Variants in FMN2 observed in about 807,000 individuals in gnomAD.
FMN2 encodes the protein formin-2.
Under a neutral mutation model 142.3 loss-of-function variants are expected in FMN2, and 51 were observed. The ratio of observed to expected loss-of-function variants is 0.36; its 90% confidence interval spans 0.29 to 0.45. The LOEUF is 0.45. Ranked by LOEUF, FMN2 falls within the 20% of genes least tolerant of loss-of-function variation. The pLI is 1.00. For missense variants in FMN2, 1,936 were observed against 2,122.8 expected (o/e 0.91, Z 1.73); for synonymous variants, 882 against 869.8 (o/e 1.01, Z -0.25).
chr1:240,297,618 A>G (rs1034256969), intron 8 of FMN2, among the ~76,000 whole-genome samples: 14 of 145,202 alleles, frequency 9.6e-5, no homozygotes, highest in African/African-American at 3.3e-4. Flanking sequence ...AAAAAAAAAG[A>G]ATATTTTATT....
intron 15 of FMN2, among the ~76,000 whole-genome samples, chr1:240,397,145 A>G (rs960324403): frequency 6.6e-6 from 1 of 152,168 alleles, no homozygotes; most frequent in African/African-American, 2.4e-5. Context: ...AATAATTGCC[A>G]TTCTGACTGG....
At chr1:240,313,320 G>A (rs1670656887) in intron 8 of FMN2, among the ~76,000 whole-genome samples, 1 of 152,192 alleles carries the variant, frequency 6.6e-6, no homozygotes, top group African/African-American at 2.4e-5. Context: ...GAAAAGAAAT[G>A]TATGGATAAT....
In FMN2 at chr1:240,410,770, C is replaced by T. The variant is rs187967152; in HGVS notation, c.4910+18208C>T. On this transcript the variant is annotated intron_variant, in intron 15 of 17. Coordinates refer to ENST00000319653, the MANE Select transcript of FMN2 (RefSeq NM_020066.5). The stretch of plus-strand genomic sequence containing the variant: ...GTCGTGTTTTTACACATGTATATTG[C>T]TTCTTCAGTTCATTTCCCTTTTTAT... 3.9e-4 allele frequency among the ~76,000 whole-genome samples: 60 copies of T among 152,178 alleles called. 2 individuals carry two copies. Among genetic ancestry groups the T allele is most frequent in the Admixed American group, 3.5e-3 (54 of 15,272 alleles).
chr1:240,393,528 G>A (rs1673677608), intron 15 of FMN2, among the ~76,000 whole-genome samples: 1 of 151,942 alleles, frequency 6.6e-6, no homozygotes, highest in Admixed American at 6.6e-5. Context: ...ATTGAAATTA[G>A]GCCAATTAAT....
At chr1:240,361,525 G>T (rs1672482036) in intron 14 of FMN2, among the ~76,000 whole-genome samples, 1 of 152,224 alleles carries the variant, frequency 6.6e-6, no homozygotes, top group Non-Finnish European at 1.5e-5. Flanking sequence ...AGACAGAATA[G>T]CTGTGAGGGA....
chr1:240,365,657 T>A (rs1572235128), intron 14 of FMN2, among the ~76,000 whole-genome samples: 1 of 152,152 alleles, frequency 6.6e-6, no homozygotes, highest in Admixed American at 6.6e-5. Flanking sequence ...ATGGAACTAT[T>A]CTTCTATGGG....
chr1:240,408,579 T>A (rs1232175575), intron 15 of FMN2, among the ~76,000 whole-genome samples: 1 of 152,334 alleles, frequency 6.6e-6, no homozygotes, highest in South Asian at 2.1e-4. Flanking sequence ...TTAAAGTTGA[T>A]TTTTATTTCA....
rs372272968 is a variant in FMN2, at chr1:240,188,005, CATG to C, written c.1931-200_1931-198del. Among the ~76,000 whole-genome samples, 25 of 152,244 alleles carry C rather than the reference CATG, an allele frequency of 1.6e-4. No individual in the cohort carries two copies. In the East Asian group the frequency reaches 4.6e-3, roughly 28 times the overall value. On this transcript the variant is annotated intron_variant, in intron 3 of 17. Coordinates refer to ENST00000319653, the MANE Select transcript of FMN2 (RefSeq NM_020066.5). The stretch of plus-strand genomic sequence containing the variant: ...GGAATATCCCAATTTTTAAAAATGA[CATG>C]AGCATTCTCATTGTATGTATTATAT...
intron 4 of FMN2, among the ~76,000 whole-genome samples, chr1:240,188,480 T>C (rs1665572721): frequency 6.6e-6 from 1 of 152,204 alleles, no homozygotes; most frequent in Non-Finnish European, 1.5e-5. Context: ...GTACAAGCTT[T>C]TCAGAAGCTG....
chr1:240,285,788 A>G (rs1669569530), intron 7 of FMN2, among the ~76,000 whole-genome samples: 1 of 152,206 alleles, frequency 6.6e-6, no homozygotes, highest in African/African-American at 2.4e-5. Context: ...TAATCAGAGC[A>G]AAGACTTGAT....
At chr1:240,403,209 T>C (rs1476491588) in intron 15 of FMN2, among the ~76,000 whole-genome samples, 1 of 152,256 alleles carries the variant, frequency 6.6e-6, no homozygotes, top group African/African-American at 2.4e-5. Flanking sequence ...GTAATGTGTA[T>C]GAACTACTCC....
At position 240,123,365 on chromosome 1, in the gene FMN2, T is replaced by A; in HGVS notation, c.1782+20T>A. 2 of 1,606,064 alleles carry A rather than the reference T, an allele frequency of 1.2e-6. No homozygotes were observed. Among genetic ancestry groups the A allele is most frequent in the Non-Finnish European group, 1.7e-6 (2 of 1,175,010 alleles). ...TTTGATGTAAGTAGGAGAATTCACT[T>A]CTGTCCGTGAGGCAGATTTGCTGTG... On this transcript the variant is annotated intron_variant, in intron 2 of 17. Coordinates refer to ENST00000319653, the MANE Select transcript of FMN2 (RefSeq NM_020066.5).
Position 240,241,825 on chromosome 1 carries a change from C to CTTTTTTTTTTTTTTTTTTTTTTTT in FMN2, c.4066-16114_4066-16091dup, listed in dbSNP as rs71567282. ...ATTTTCTTTATTTTAGTGTGCCTTGCTTTTTTTTTTTTTTTTTTTTTTTTT... is the reference window on the plus strand; with the variant it reads ...ATTTTCTTTATTTTAGTGTGCCTTGCTTTTTTTTTTTTTTTTTTTTTTTTTTTTTTTTTTTTTTTTTTTTTTTTT... On this transcript the variant is annotated intron_variant, in intron 6 of 17. Coordinates refer to ENST00000319653, the MANE Select transcript of FMN2 (RefSeq NM_020066.5). Among the ~76,000 whole-genome samples, 9 of 96,232 alleles carry CTTTTTTTTTTTTTTTTTTTTTTTT rather than the reference C, an allele frequency of 9.4e-5. 1 individual carries two copies. Among genetic ancestry groups the CTTTTTTTTTTTTTTTTTTTTTTTT allele is most frequent in the African/African-American group, 3.4e-4 (9 of 26,326 alleles). 63.1% of individuals were successfully genotyped at this position (96,232 alleles called of 152,430 possible).
Position 240,116,000 on chromosome 1 carries a change from G to T in FMN2, c.1616-7179G>T, listed in dbSNP as rs570682509. ...AGGGCAACTTCCTGAGGTTGCCATTGTATTTGTAAACTGTCCTGGCGCTGG... is the reference window on the plus strand; with the variant it reads ...AGGGCAACTTCCTGAGGTTGCCATTTTATTTGTAAACTGTCCTGGCGCTGG... On this transcript the variant is annotated intron_variant, in intron 1 of 17. Transcript: ENST00000319653. 3.3e-5 allele frequency among the ~76,000 whole-genome samples: 5 copies of T among 152,304 alleles called. 1 individual carries two copies. The South Asian group carries it at 1.0e-3, about 32-fold the overall frequency.
intron 4 of FMN2, among the ~76,000 whole-genome samples, chr1:240,188,842 G>T (rs1050004320): frequency 2.6e-5 from 4 of 151,998 alleles, no homozygotes; most frequent in African/African-American, 7.3e-5. Flanking sequence ...GGCCTCACAA[G>T]TTCATGGTGG....
At chr1:240,217,491 A>G (rs1311020773) in intron 6 of FMN2, among the ~76,000 whole-genome samples, 1 of 152,190 alleles carries the variant, frequency 6.6e-6, no homozygotes, top group East Asian at 1.9e-4. Flanking sequence ...GGGGATACAT[A>G]ATAAACATTT....
intron 14 of FMN2, among the ~76,000 whole-genome samples, chr1:240,357,538 A>G (rs1367193337): frequency 6.6e-6 from 1 of 152,010 alleles, no homozygotes; most frequent in Non-Finnish European, 1.5e-5. Flanking sequence ...GTTCCCTGGT[A>G]GGAAAGACGG....
intron 3 of FMN2, among the ~76,000 whole-genome samples, chr1:240,180,843 A>G (rs112526172): frequency 0.19 from 29,200 of 151,916 alleles, 2,908 homozygotes; most frequent in Middle Eastern, 0.28. Flanking sequence ...CTGGGATTAC[A>G]GGCATGAGCC....
At chr1:240,406,468 C>T (rs1166791110) in intron 15 of FMN2, among the ~76,000 whole-genome samples, 1 of 152,198 alleles carries the variant, frequency 6.6e-6, no homozygotes, top group Non-Finnish European at 1.5e-5. Context: ...TGAGAAACAA[C>T]GCTGGCATTC....
Sources: allele counts gnomAD v4.1 joint callset (sites outside exome capture counted in the v4.1 genomes callset), GRCh38; gene constraint gnomAD v4.1.1; transcripts MANE v1.5; gene names NCBI Gene and HGNC (gene_info 2026-07-23, HGNC 2026-07-21).